The following LYPLAL1 variants were observed in gnomAD, a reference collection of about 807,000 sequenced individuals.
The protein encoded by LYPLAL1 is lysophospholipase-like protein 1.
In LYPLAL1, 23 loss-of-function variants were observed where a neutral mutation model predicts 19.7. The ratio of observed to expected loss-of-function variants is 1.17; its 90% CI spans 0.84 to 1.65. LYPLAL1 has a LOEUF of 1.65. Among genes scored for constraint, LYPLAL1 ranks in the 40% most tolerant of loss-of-function variants. LYPLAL1 has a pLI of 0.00. For synonymous variants in LYPLAL1, 119 were observed against 96.3 expected, an observed-to-expected ratio of 1.24 and a Z score of -1.38; for missense variants, 355 against 279.4, an observed-to-expected ratio of 1.27 and a Z score of -1.93.
At chr1:219,205,311 T>C (rs1196338802) in intron 3 of LYPLAL1, among the ~76,000 whole-genome samples, 1 of 144,354 alleles carries the variant, frequency 6.9e-6, no homozygotes, top group Non-Finnish European at 1.5e-5. Context: ...GAGCCGAGAT[T>C]GCGCCACTGC....
the LYPLAL1 span, among the ~76,000 whole-genome samples, chr1:219,444,089 A>G: frequency 7.2e-5 from 11 of 152,156 alleles, no homozygotes; most frequent in Admixed American, 6.5e-4. Context: ...TCTCATCAAC[A>G]TTATAAGGAA....
At chr1:219,290,858 C>T in the LYPLAL1 span, among the ~76,000 whole-genome samples, 1 of 152,160 alleles carries the variant, frequency 6.6e-6, no homozygotes, top group Admixed American at 6.5e-5. Context: ...TTACACATGG[C>T]AGGTATTCAC....
the LYPLAL1 span, among the ~76,000 whole-genome samples, chr1:219,414,070 G>A: frequency 1.3e-5 from 2 of 152,160 alleles, no homozygotes; most frequent in Non-Finnish European, 2.9e-5. Context: ...TGAATGCAGA[G>A]GGAAGGATGG....
chr1:219,269,098 A>G, the LYPLAL1 span, among the ~76,000 whole-genome samples: 176 of 152,310 alleles, frequency 1.2e-3, no homozygotes, highest in African/African-American at 4.1e-3. Flanking sequence ...AGTTTATTGG[A>G]AGAGAAAAGT....
intron 3 of LYPLAL1, among the ~76,000 whole-genome samples, chr1:219,206,603 A>G (rs893734229): frequency 2.6e-5 from 4 of 152,110 alleles, no homozygotes; most frequent in African/African-American, 4.8e-5. Context: ...TAATATTTCA[A>G]TGAGTATATT....
chr1:219,274,541 A>G, the LYPLAL1 span, among the ~76,000 whole-genome samples: 1 of 152,076 alleles, frequency 6.6e-6, no homozygotes, highest in African/African-American at 2.4e-5. Flanking sequence ...GCCTGCCACC[A>G]TGCCCAACTA....
At chr1:219,444,693 A>G in the LYPLAL1 span, among the ~76,000 whole-genome samples, 15,455 of 152,208 alleles carry the variant, frequency 0.1, 1,102 homozygotes, top group Non-Finnish European at 0.16. Context: ...TAAATCCTAC[A>G]TGATAAATTT....
At chr1:219,202,252 C>A (rs1406053960) in intron 3 of LYPLAL1, among the ~76,000 whole-genome samples, 1 of 152,148 alleles carries the variant, frequency 6.6e-6, no homozygotes, top group African/African-American at 2.4e-5. Flanking sequence ...ACAAATGTGT[C>A]TGACATGTAA....
the LYPLAL1 span, chr1:219,272,497 C>T: frequency 1.1e-4 from 16 of 152,364 alleles, no homozygotes; most frequent in South Asian, 1.0e-3. Flanking sequence ...TGATCTGGGC[C>T]TGGTGGCTCA....
chr1:219,238,730 T>TA, the LYPLAL1 span, among the ~76,000 whole-genome samples: 1 of 152,126 alleles, frequency 6.6e-6, no homozygotes, highest in Admixed American at 6.5e-5. Flanking sequence ...AATAGGCCCT[T>TA]ACTTTACCCA....
the LYPLAL1 span, chr1:219,436,957 C>T: frequency 6.6e-6 from 1 of 152,132 alleles, no homozygotes; most frequent in African/African-American, 2.4e-5. Flanking sequence ...AACTCTGTTA[C>T]ACTATTTTTT....
the LYPLAL1 span, among the ~76,000 whole-genome samples, chr1:219,256,151 C>G: frequency 0.96 from 146,188 of 151,898 alleles, 70,607 homozygotes; most frequent in East Asian, 1. Context: ...ACATATTTGG[C>G]GGAATTCACA....
chr1:219,394,163 G>A, the LYPLAL1 span, among the ~76,000 whole-genome samples: 313 of 151,950 alleles, frequency 2.1e-3, 3 homozygotes, highest in African/African-American at 7.0e-3. Flanking sequence ...TGAGATATGA[G>A]GATATGTTTT....
the LYPLAL1 span, among the ~76,000 whole-genome samples, chr1:219,218,813 A>G: frequency 6.6e-6 from 1 of 152,268 alleles, no homozygotes; most frequent in Admixed American, 6.5e-5. Flanking sequence ...GTAGCATTGA[A>G]TTAAGACAAC....
the LYPLAL1 span, among the ~76,000 whole-genome samples, chr1:219,233,683 T>A: frequency 6.6e-6 from 1 of 151,810 alleles, no homozygotes; most frequent in Non-Finnish European, 1.5e-5. Context: ...GGCAGGAGGA[T>A]GGCTTGAGAC....
chr1:219,344,771 C>T, the LYPLAL1 span, among the ~76,000 whole-genome samples: 1 of 152,224 alleles, frequency 6.6e-6, no homozygotes, highest in African/African-American at 2.4e-5. Flanking sequence ...TTCTATTTTA[C>T]TTGTTCCAAG....
chr1:219,269,776 A>T, the LYPLAL1 span, among the ~76,000 whole-genome samples: 1 of 152,250 alleles, frequency 6.6e-6, no homozygotes, highest in South Asian at 2.1e-4. Context: ...ATCACAAATC[A>T]TAATTATAAA....
chr1:219,417,488 G>T, the LYPLAL1 span, among the ~76,000 whole-genome samples: 1 of 152,334 alleles, frequency 6.6e-6, no homozygotes, highest in South Asian at 2.1e-4. Flanking sequence ...ATGGCCCTGT[G>T]TAACATTCTG....
the LYPLAL1 span, among the ~76,000 whole-genome samples, chr1:219,385,006 T>C: frequency 6.6e-6 from 1 of 152,322 alleles, no homozygotes; most frequent in East Asian, 1.9e-4. Flanking sequence ...GTCCAGACTA[T>C]ATGACTTGAC....
Sources: gnomAD v4.1 joint callset for allele counts (sites outside exome capture counted in the v4.1 genomes callset) on GRCh38, gnomAD v4.1.1 for gene constraint, MANE v1.5 for transcripts, NCBI Gene and HGNC (gene_info 2026-07-23, HGNC 2026-07-21) for gene names.